RBMX: variants seen among roughly 807,000 people sequenced by gnomAD.
RBMX encodes RNA binding motif protein X-linked, also known as RNA-binding motif protein, X chromosome.
RBMX carries 1 observed loss-of-function variant against 29.3 expected under a neutral mutation model. The observed-to-expected ratio is 0.03, with a 90% CI of 0.01 to 0.16. The LOEUF (loss-of-function observed/expected upper bound fraction) is 0.16, where lower values mean the gene tolerates loss of function less well. Among genes scored for constraint, RBMX ranks in the 10% least tolerant of loss-of-function variants. The pLI, the probability that RBMX is intolerant of heterozygous loss-of-function variation, is 1.00. For missense variants in RBMX, 121 were observed against 333.2 expected (o/e 0.36, Z 4.96); for synonymous variants, 102 against 102.3 (o/e 1.00, Z 0.02).
downstream of RBMX, chrX:136,872,686 G>C (rs938967496): frequency 5.7e-6 from 1 of 176,765 alleles, no homozygotes; most frequent in Non-Finnish European, 1.1e-5. Flanking sequence ...CTATATTCAA[G>C]AGCATCTTTT....
downstream of RBMX, chrX:136,872,301 T>C (rs2077690082): frequency 8.6e-7 from 1 of 1,166,325 alleles, no homozygotes. Context: ...TTATCTACTG[T>C]GAATCAATCA....
rs748713750 is a variant in RBMX, at chrX:136,876,644, A to G, written c.400T>C (p.Tyr134His). ...GAACTCATGTTAAAATTCATGGAAT[A>G]TCCACCGTCATCTGCATCAAAAATA... The part of the protein sequence containing the change: ...SRGGHMDDGG[Y>H]SMNFNMSSSR... Residue 134 changes from tyrosine (Y) to histidine (H), a missense_variant, in exon 5 of 9, where the codon TAT (tyrosine) becomes CAT (histidine). Transcript: ENST00000320676. The G allele has an allele frequency of 8.5e-7, 1 of 1,177,853 alleles. No homozygotes were observed. The highest frequency in any genetic ancestry group is 1.9e-5 in the South Asian group (1 of 52,148).
downstream of RBMX, among the ~76,000 whole-genome samples, chrX:136,872,023 T>C (rs180754655): frequency 9.0e-6 from 1 of 111,268 alleles, no homozygotes; most frequent in Non-Finnish European, 1.9e-5. Flanking sequence ...GCAAGCTTTA[T>C]GGGTTCAAAA....
At chrX:136,878,886 G>A in intron 3 of RBMX, 131 bp downstream of exon 3, 3 of 772,110 alleles carry the variant, frequency 3.9e-6, no homozygotes, top group Non-Finnish European at 5.5e-6. Flanking sequence ...CAAACAGGAT[G>A]AGTGGATCCC....
At chrX:136,878,282 C>T (rs774156768) in intron 3 of RBMX, among the ~76,000 whole-genome samples, 196 bp from the exon 4 acceptor site, 2 of 110,987 alleles carry the variant, frequency 1.8e-5, no homozygotes, top group East Asian at 2.8e-4. Context: ...ATACTTAAAA[C>T]CGATACTGAT....
chrX:136,873,001 G>C (rs1376945670), downstream of RBMX: 1 of 107,907 alleles, frequency 9.3e-6, no homozygotes, highest in Non-Finnish European at 1.9e-5. Context: ...GATCGCCATT[G>C]GTAAACAACA....
At chrX:136,874,810 A>C in intron 8 of RBMX, 2 of 407,604 alleles carry the variant, frequency 4.9e-6, no homozygotes, top group Non-Finnish European at 7.5e-6. Flanking sequence ...TGTTAATAAA[A>C]TTTTTAAATT....
chrX:136,870,809 AAAG>A, downstream of RBMX, among the ~76,000 whole-genome samples: 1 of 108,227 alleles, frequency 9.2e-6, no homozygotes, highest in Non-Finnish European at 1.9e-5. Flanking sequence ...AAAAAGAAAA[AAAG>A]AAAAAAAAAG....
chrX:136,876,150 A>G (rs1401097796), intron 5 of RBMX, among the ~76,000 whole-genome samples: 2 of 87,311 alleles, frequency 2.3e-5, no homozygotes, highest in Non-Finnish European at 4.4e-5. Flanking sequence ...TTGGAGACAG[A>G]ATCTCACTCT....
Position 136,874,668 on chromosome X carries a change from C to T in RBMX, c.866-216G>A, listed in dbSNP as rs2077710120. 8.7e-6 allele frequency: 4 copies of T among 461,974 alleles called. 1 individual carries two copies. Among genetic ancestry groups the T allele is most frequent in the African/African-American group, 2.4e-5 (1 of 41,052 alleles). The allele number at this position is 461,974 out of a possible 1,213,427, so 38.1% of individuals were successfully genotyped here. A position where few individuals can be genotyped will look rare whatever the true frequency, so the allele number is the denominator to read the frequency against. ...AATGTTTGTTTGAAAAGACTGAAGA[C>T]GGTGTGTATTTCAAGAGGATATTCC... On this transcript the variant is annotated intron_variant, in intron 8 of 8. Transcript: ENST00000320676.
At chrX:136,879,590 G>GC in intron 1 of RBMX, 137 bp from the exon 2 acceptor site, 2 of 545,053 alleles carry the variant, frequency 3.7e-6, no homozygotes, top group Non-Finnish European at 5.8e-6. Context: ...AACGAGCTAA[G>GC]CCTCAGCCAC....
chrX:136,876,398 G>C (rs993150357), intron 5 of RBMX, 105 bp downstream of exon 5: 8 of 888,866 alleles, frequency 9.0e-6, no homozygotes, highest in Non-Finnish European at 1.2e-5. Flanking sequence ...CTAGGATTAC[G>C]GGCGTGAGCC....
At chrX:136,869,378 G>C (rs1265739286), downstream of RBMX, 1 of 112,088 alleles carries the variant, frequency 8.9e-6, no homozygotes, top group Non-Finnish European at 1.9e-5. Flanking sequence ...ACATCTGCTA[G>C]GTCAGTAAAC....
At chrX:136,873,049 TAAAAAAAA>T (rs200798910), downstream of RBMX, 1 of 96,131 alleles carries the variant, frequency 1.0e-5, no homozygotes, top group South Asian at 4.6e-4. Flanking sequence ...ACACATGCTT[TAAAAAAAA>T]AAAAAAAAAA....
downstream of RBMX, chrX:136,873,040 C>T (rs1189452873): frequency 1.9e-5 from 2 of 103,752 alleles, no homozygotes; most frequent in Admixed American, 1.0e-4. Context: ...TTAAGTGTCA[C>T]ACATGCTTTA....
downstream of RBMX, chrX:136,872,512 CG>C: frequency 2.1e-6 from 1 of 471,532 alleles, no homozygotes; most frequent in Non-Finnish European, 3.7e-6. Context: ...TTCACTGGCT[CG>C]GGATGGACTG....
chrX:136,875,414 T>A, intron 6 of RBMX, 31 bp from the exon 7 acceptor site: 2 of 1,207,389 alleles, frequency 1.7e-6, no homozygotes, highest in Non-Finnish European at 2.2e-6. Context: ...TTTATGCTTT[T>A]GATAAGCTTT....
intron 8 of RBMX, chrX:136,874,807 A>C: frequency 2.5e-6 from 1 of 402,825 alleles, no homozygotes; most frequent in Non-Finnish European, 3.8e-6. Flanking sequence ...TCTTGTTAAT[A>C]AAATTTTTAA....
chrX:136,876,136 T>G lies in RBMX; in HGVS notation c.541+367A>C, dbSNP rs1206753881. Among the ~76,000 whole-genome samples the G allele has an allele frequency of 1.2e-4, 12 of 101,372 alleles. No individual in the cohort carries two copies. In the South Asian group the frequency reaches 4.9e-3, roughly 41 times the overall value. 88.0% of individuals were successfully genotyped at this position (101,372 alleles called of 115,157 possible). A position where few individuals can be genotyped will look rare whatever the true frequency, so the allele number is the denominator to read the frequency against. ...AGTTTTTTTTTTTTGTTTTTTTTTT[T>G]TTTTTGGAGACAGAATCTCACTCTG... is the stretch of plus-strand genomic sequence containing the variant. On this transcript the variant is annotated intron_variant, in intron 5 of 8. Transcript: ENST00000320676.
Sources: allele counts gnomAD v4.1 joint callset (sites outside exome capture counted in the v4.1 genomes callset), GRCh38; gene constraint gnomAD v4.1.1; transcripts MANE v1.5; gene names NCBI Gene and HGNC (gene_info 2026-07-23, HGNC 2026-07-21).